DNAH5: variants seen among roughly 807,000 people sequenced by gnomAD.
DNAH5 encodes the protein dynein axonemal heavy chain 5.
A neutral mutation model predicts 518.2 loss-of-function variants in DNAH5; 372 were observed. The observed-to-expected ratio is 0.72, with a 90% CI of 0.66 to 0.78. The LOEUF is 0.78. Ranked by LOEUF, DNAH5 falls within the 30% of genes least tolerant of loss-of-function variation. The pLI is 0.00. For synonymous variants in DNAH5, 2,039 were observed against 2,025.9 expected (o/e 1.01, Z -0.17); for missense variants, 5,523 against 5,687.0 (o/e 0.97, Z 0.93).
chr5:13,847,618 A>G (rs1401139024), intron 31 of DNAH5, among the ~76,000 whole-genome samples: 2 of 151,640 alleles, frequency 1.3e-5, no homozygotes, highest in Admixed American at 1.3e-4. Context: ...CAGCTACTCA[A>G]GAGGCTAAGG....
rs1214909401 is a variant in DNAH5, at chr5:13,810,220, A to C, written c.7448T>G (p.Leu2483Arg). The C allele has an allele frequency of 1.3e-6, 2 of 1,550,490 alleles. No individual in the cohort carries two copies. Among genetic ancestry groups the C allele is most frequent in the Admixed American group, 3.9e-5 (2 of 51,030 alleles). Residue 2483 changes from leucine to arginine, a missense_variant, in exon 45 of 79, where the codon CTG becomes CGG. Coordinates refer to ENST00000265104, the MANE Select transcript of DNAH5 (RefSeq NM_001369.3). The stretch of plus-strand genomic sequence containing the variant: ...GCTCCACAGCAGCGCGAACACGAAC[A>C]GCCGCCCCAGGTGAGCCTGGCTCAC... Reference protein sequence around the residue: ...GEVSQAHLGRLFVFALLWSAG... With the variant: ...GEVSQAHLGRRFVFALLWSAG...
At chr5:13,879,772 TAAAAAGAATG>T (rs1457311896) in intron 21 of DNAH5, among the ~76,000 whole-genome samples, 2 of 149,566 alleles carry the variant, frequency 1.3e-5, no homozygotes, top group African/African-American at 2.5e-5. Context: ...GAGCAAAAAA[TAAAAAGAATG>T]AAAAAGAATG....
chr5:13,828,376 T>G (rs1763192034), intron 38 of DNAH5, among the ~76,000 whole-genome samples: 1 of 152,262 alleles, frequency 6.6e-6, no homozygotes, highest in Admixed American at 6.5e-5. Flanking sequence ...TTGCACTGTG[T>G]CATTATTTAG....
At chr5:13,791,913 TA>T in intron 50 of DNAH5, 80 bp downstream of exon 50, 2 of 1,254,516 alleles carry the variant, frequency 1.6e-6, no homozygotes, top group Non-Finnish European at 2.3e-6. Context: ...ACAGTTCAAG[TA>T]AAAAATAAAT....
At chr5:13,946,122 TACA>T (rs1779891770), upstream of DNAH5, among the ~76,000 whole-genome samples, 1 of 152,236 alleles carries the variant, frequency 6.6e-6, no homozygotes. Context: ...ACAAACATGT[TACA>T]ATTCATTACA....
chr5:13,738,771 G>GC (rs1338115415), intron 65 of DNAH5, among the ~76,000 whole-genome samples: 1 of 152,080 alleles, frequency 6.6e-6, no homozygotes, highest in African/African-American at 2.4e-5. Context: ...AAGTCAAATT[G>GC]TACATGGATA....
At position 13,817,694 on chromosome 5, in the gene DNAH5, T is replaced by C. The variant is rs1211094926; in HGVS notation, c.6842A>G (p.Asp2281Gly). ...CIHTLMRAMT[D>G]CGKPHREMRM... ...CATTTCCCGATGTGGTTTTCCACAA[T>C]CTATACCAAGTAAATCCAAATTTTA... The change falls in exon 42 of 79, where the codon GAT becomes GGT. Residue 2281 changes from aspartate (D) to glycine (G), a missense_variant and splice_region_variant. Coordinates refer to ENST00000265104, the MANE Select transcript of DNAH5 (RefSeq NM_001369.3). 1 of 1,614,150 alleles carries C rather than the reference T, an allele frequency of 6.2e-7. No individual in the cohort carries two copies. Among genetic ancestry groups the C allele is most frequent in the Admixed American group, 1.7e-5 (1 of 60,018 alleles).
Position 13,768,989 on chromosome 5 carries a change from CT to C in DNAH5, c.9867del (p.Ala3290LeufsTer2), listed in dbSNP as rs1752909598. The C allele has an allele frequency of 6.2e-7, 1 of 1,614,060 alleles. No individual in the cohort carries two copies. Among genetic ancestry groups the C allele is most frequent in the African/African-American group, 1.3e-5 (1 of 74,938 alleles). ...AATGCAGCTTCTGCCTCTTCTAAAGCTGGTTTTGCTGCTTCCAGTTTTTCTT... is the reference window on the plus strand; with the variant it reads ...AATGCAGCTTCTGCCTCTTCTAAAGCGGTTTTGCTGCTTCCAGTTTTTCTT... ...IAEEKLEAAK[P>X]ALEEAEAALQ... On this transcript the variant is annotated frameshift_variant, in exon 58 of 79. Coordinates refer to ENST00000265104, the MANE Select transcript of DNAH5 (RefSeq NM_001369.3). LOFTEE classifies it high-confidence loss of function.
chr5:13,731,429 T>C (rs1746536441), intron 68 of DNAH5, among the ~76,000 whole-genome samples: 2 of 152,168 alleles, frequency 1.3e-5, no homozygotes, highest in African/African-American at 4.8e-5. Context: ...CAGAGTATTA[T>C]TCATTGTTTA....
At chr5:13,931,355 TAGAC>T (rs1778403458) in intron 1 of DNAH5, 111 bp from the exon 2 acceptor site, 3 of 1,288,330 alleles carry the variant, frequency 2.3e-6, no homozygotes, top group Non-Finnish European at 3.3e-6. Context: ...ATCCAGATAA[TAGAC>T]AGCTTAATGG....
Position 13,814,666 on chromosome 5 carries a change from A to G in DNAH5, c.7169T>C (p.Val2390Ala), listed in dbSNP as rs1285840210. ...HNIDNASPAT[V>A]SRNGMVFMSS... ...CATGAAAACCATTCCATTTCTTGAGACGGTGGCAGGAGAAGCATTGTCAAT... is the reference window on the plus strand; with the variant it reads ...CATGAAAACCATTCCATTTCTTGAGGCGGTGGCAGGAGAAGCATTGTCAAT... Residue 2390 changes from valine (V) to alanine (A), a missense_variant, in exon 43 of 79, where the codon GTC becomes GCC. Transcript: ENST00000265104. 6.2e-7 allele frequency: 1 copy of G among 1,614,056 alleles called. No homozygotes were observed.
At chr5:13,733,421 G>A (rs1489127045) in intron 68 of DNAH5, among the ~76,000 whole-genome samples, 5 of 152,122 alleles carry the variant, frequency 3.3e-5, no homozygotes, top group South Asian at 4.1e-4. Context: ...ACAATCCATT[G>A]AAAAGCTCTA....
At chr5:13,949,563 G>C (rs753067637), upstream of DNAH5, among the ~76,000 whole-genome samples, 1 of 152,202 alleles carries the variant, frequency 6.6e-6, no homozygotes, top group Non-Finnish European at 1.5e-5. Context: ...ATTCAAAAGA[G>C]AGGATGGGCA....
intron 5 of DNAH5, among the ~76,000 whole-genome samples, chr5:13,921,460 TGC>T (rs1777259673): frequency 1.9e-5 from 1 of 51,466 alleles, no homozygotes; most frequent in African/African-American, 7.0e-5. Flanking sequence ...CTCTCTCTCT[TGC>T]TCTATCTCTC....
chr5:13,766,368 A>G (rs1206296119), intron 58 of DNAH5, among the ~76,000 whole-genome samples, 189 bp from the exon 59 acceptor site: 2 of 152,228 alleles, frequency 1.3e-5, no homozygotes, highest in Admixed American at 6.5e-5. Context: ...CATTTCTACT[A>G]TTCAAACTAG....
chr5:13,959,539 A>G (rs1781009217), intron 1 of DNAH5, among the ~76,000 whole-genome samples: 2 of 152,226 alleles, frequency 1.3e-5, no homozygotes, highest in African/African-American at 2.4e-5. Context: ...CGCCCAGGAC[A>G]GTGGGGTCCT....
chr5:13,871,462 C>T (rs1445470405), intron 23 of DNAH5, 102 bp downstream of exon 23: 2 of 1,061,500 alleles, frequency 1.9e-6, no homozygotes, highest in Non-Finnish European at 2.8e-6. Flanking sequence ...CCCATAAAGT[C>T]AATCTTTAAG....
At chr5:14,004,425 T>C (rs1044452011) in intron 1 of DNAH5, among the ~76,000 whole-genome samples, 3 of 152,180 alleles carry the variant, frequency 2.0e-5, no homozygotes, top group Non-Finnish European at 2.9e-5. Context: ...GAAATCCAAG[T>C]AATGTGGAGT....
chr5:13,856,533 C>T (rs2151894793), intron 30 of DNAH5, among the ~76,000 whole-genome samples: 1 of 152,230 alleles, frequency 6.6e-6, no homozygotes, highest in South Asian at 2.1e-4. Context: ...CAGCATCATC[C>T]TCATACCAAA....
Sources: gnomAD v4.1 joint callset for allele counts (sites outside exome capture counted in the v4.1 genomes callset) on GRCh38, gnomAD v4.1.1 for gene constraint, MANE v1.5 for transcripts, NCBI Gene and HGNC (gene_info 2026-07-23, HGNC 2026-07-21) for gene names.